The following CCBE1 variants were observed in gnomAD, a reference collection of about 807,000 sequenced individuals.
CCBE1 encodes the protein collagen and calcium binding EGF domains 1.
CCBE1 carries 37 observed loss-of-function variants against 50.0 expected under a neutral mutation model. That is an observed-to-expected ratio of 0.74 (90% confidence interval 0.57 to 0.97). CCBE1 has a LOEUF of 0.97. CCBE1 is among the 50% of genes least tolerant of loss of function. The probability of loss-of-function intolerance (pLI) is 0.00; values close to 1 mark genes in which losing one functional copy is unlikely to be tolerated. For missense variants in CCBE1, 538 were observed against 523.8 expected, an observed-to-expected ratio of 1.03 and a Z score of -0.26; for synonymous variants, 234 against 203.7, an observed-to-expected ratio of 1.15 and a Z score of -1.27.
chr18:59,469,521 G>A lies in CCBE1; in HGVS notation c.352C>T (p.Arg118Ter), dbSNP rs765153557. The stretch of plus-strand genomic sequence containing the variant: ...TTCCGGTGTCTCTCCCGGTCATATC[G>A]GTATCCCGGATAACAAGTACACAGC... ...RVLCTCYPGY[R>*]YDRERHRKRE... The change falls in exon 4 of 11, where the codon CGA becomes TGA. Residue 118 changes from arginine to a stop codon, truncating the protein, a stop_gained. Transcript: ENST00000439986. LOFTEE classifies it high-confidence loss of function. The A allele has an allele frequency of 9.9e-6, 16 of 1,614,096 alleles. No individual in the cohort carries two copies. The highest frequency in any genetic ancestry group is 1.1e-5 in the South Asian group (1 of 91,074).
chr18:59,674,020 C>T (rs1454555754), intron 2 of CCBE1, among the ~76,000 whole-genome samples: 2 of 152,150 alleles, frequency 1.3e-5, no homozygotes, highest in African/African-American at 4.8e-5. Flanking sequence ...AGGAATGGTA[C>T]CAGCTCCTCT....
chr18:59,585,364 T>G (rs1171711441), intron 2 of CCBE1, among the ~76,000 whole-genome samples: 2 of 152,192 alleles, frequency 1.3e-5, no homozygotes, highest in Non-Finnish European at 2.9e-5. Context: ...TACATTTATT[T>G]GGTGAACATC....
intron 2 of CCBE1, among the ~76,000 whole-genome samples, chr18:59,556,981 G>T (rs1184760177): frequency 4.7e-5 from 2 of 42,322 alleles, no homozygotes; most frequent in African/African-American, 1.2e-4. Context: ...GGGGTATCTT[G>T]TGTGTGATTT....
intron 2 of CCBE1, among the ~76,000 whole-genome samples, chr18:59,670,208 A>T (rs2054413414): frequency 6.6e-6 from 1 of 152,164 alleles, no homozygotes; most frequent in Non-Finnish European, 1.5e-5. Flanking sequence ...CTGAGTGAAA[A>T]TTATAATAAA....
rs112059379 is a variant in CCBE1 at position 59,456,413 on chromosome 18, G to T, written c.554-1462C>A. Reference sequence around the variant, plus strand: ...GATGGGATCCTAGTCCAATATGATGGGTGTCTTTATACAAAGGGGAAACTT... The same window carrying T: ...GATGGGATCCTAGTCCAATATGATGTGTGTCTTTATACAAAGGGGAAACTT... On this transcript the variant is annotated intron_variant, in intron 5 of 10. Coordinates refer to ENST00000439986, the MANE Select transcript of CCBE1 (RefSeq NM_133459.4). Among the ~76,000 whole-genome samples the T allele has an allele frequency of 1.9e-3, 292 of 152,242 alleles. 1 individual carries two copies. Among genetic ancestry groups the T allele is most frequent in the Non-Finnish European group, 3.4e-3 (231 of 68,014 alleles).
chr18:59,680,310 G>A (rs2054570093), intron 2 of CCBE1, among the ~76,000 whole-genome samples: 3 of 152,172 alleles, frequency 2.0e-5, no homozygotes, highest in Middle Eastern at 6.8e-3. Context: ...GAATAGAATG[G>A]GAGGCAAGCT....
chr18:59,683,707 G>A (rs921587617), intron 2 of CCBE1, among the ~76,000 whole-genome samples: 1 of 148,756 alleles, frequency 6.7e-6, no homozygotes, highest in African/African-American at 2.6e-5. Flanking sequence ...CAAAAAAAGA[G>A]AGGAAAGAAA....
chr18:59,579,953 A>G (rs551887705), intron 2 of CCBE1, among the ~76,000 whole-genome samples: 49 of 152,320 alleles, frequency 3.2e-4, no homozygotes, highest in African/African-American at 1.2e-3. Flanking sequence ...TTAAGAATAA[A>G]TCACCCTGAA....
At chr18:59,662,216 C>A (rs1446188790) in intron 2 of CCBE1, among the ~76,000 whole-genome samples, 1 of 152,202 alleles carries the variant, frequency 6.6e-6, no homozygotes, top group Non-Finnish European at 1.5e-5. Context: ...TACTGTATGA[C>A]AGCTGACACC....
rs200284170 is a variant in CCBE1, at chr18:59,454,804, G to C, written c.654+47C>G. 1.6e-3 allele frequency: 2,386 copies of C among 1,500,200 alleles called. 4 individuals are homozygous for C. The highest frequency in any genetic ancestry group is 2.0e-3 in the Non-Finnish European group (2,155 of 1,076,284). The allele number at this position is 1,500,200 out of a possible 1,614,324, so 92.9% of individuals were successfully genotyped here. The stretch of plus-strand genomic sequence containing the variant: ...TATCCTTCCACCTGGCCTTGGCCAA[G>C]CCCTCCTTCCATCAGGCATCATCGT... On this transcript the variant is annotated intron_variant, in intron 6 of 10. Transcript: ENST00000439986.
chr18:59,466,669 C>T (rs1032360312), intron 5 of CCBE1, 70 bp downstream of exon 5: 11 of 1,039,894 alleles, frequency 1.1e-5, no homozygotes, highest in African/African-American at 3.2e-5. Context: ...TATATAAACC[C>T]CCAAACTGGT....
At chr18:59,458,883 C>G (rs1226831274) in intron 5 of CCBE1, among the ~76,000 whole-genome samples, 2 of 152,210 alleles carry the variant, frequency 1.3e-5, no homozygotes, top group Non-Finnish European at 2.9e-5. Context: ...AGACTTGAAG[C>G]TCCTCTGACG....
chr18:59,486,489 C>A (rs1044275659), intron 2 of CCBE1, among the ~76,000 whole-genome samples: 1 of 152,074 alleles, frequency 6.6e-6, no homozygotes, highest in East Asian at 1.9e-4. Flanking sequence ...ATAATGAAAA[C>A]CAGAAATAAA....
At chr18:59,499,081 A>C (rs560538713) in intron 2 of CCBE1, among the ~76,000 whole-genome samples, 1 of 152,202 alleles carries the variant, frequency 6.6e-6, no homozygotes, top group Non-Finnish European at 1.5e-5. Flanking sequence ...CATACATCCT[A>C]AGCACTGCTA....
chr18:59,665,479 G>C (rs182907043), intron 2 of CCBE1, among the ~76,000 whole-genome samples: 9 of 152,202 alleles, frequency 5.9e-5, no homozygotes, highest in Admixed American at 1.3e-4. Flanking sequence ...GCAATTTAAC[G>C]GGAAAATTCT....
intron 2 of CCBE1, among the ~76,000 whole-genome samples, chr18:59,690,018 A>C (rs529374505): frequency 2.0e-5 from 3 of 152,292 alleles, no homozygotes; most frequent in African/African-American, 7.2e-5. Context: ...GTCCAAAACA[A>C]GTATCTTAAA....
intron 2 of CCBE1, among the ~76,000 whole-genome samples, chr18:59,667,386 G>T (rs145407400): frequency 2.6e-5 from 4 of 152,200 alleles, no homozygotes; most frequent in South Asian, 2.1e-4. Context: ...AAGGAGGAAG[G>T]TTTTGTGATG....
intron 2 of CCBE1, among the ~76,000 whole-genome samples, chr18:59,544,807 G>A (rs1267582492): frequency 6.6e-6 from 1 of 152,166 alleles, no homozygotes; most frequent in Non-Finnish European, 1.5e-5. Context: ...CTTTTAAGAG[G>A]AAACCCTGAT....
chr18:59,612,330 GAAA>G (rs5825351), intron 2 of CCBE1, among the ~76,000 whole-genome samples: 5 of 130,696 alleles, frequency 3.8e-5, no homozygotes, highest in African/African-American at 1.4e-4. Context: ...AGAAAAAAAA[GAAA>G]AAAAAAAAAA....
Sources: allele counts gnomAD v4.1 joint callset (sites outside exome capture counted in the v4.1 genomes callset), GRCh38; gene constraint gnomAD v4.1.1; transcripts MANE v1.5; gene names NCBI Gene and HGNC (gene_info 2026-07-23, HGNC 2026-07-21).